VASN: variants seen among roughly 807,000 people sequenced by gnomAD.
The protein encoded by VASN is vasorin.
Under a neutral mutation model 4.8 loss-of-function variants are expected in VASN, and 5 were observed. The ratio of observed to expected loss-of-function variants is 1.03; its 90% CI spans 0.54 to 2.17. VASN has a LOEUF of 2.17. Ranked by LOEUF, VASN falls within the 30% of genes most tolerant of loss-of-function variation. The probability of loss-of-function intolerance (pLI) is 0.01; values close to 1 mark genes in which losing one functional copy is unlikely to be tolerated. For synonymous variants in VASN, 499 were observed against 460.8 expected, an observed-to-expected ratio of 1.08 and a Z score of -1.06; for missense variants, 927 against 948.8, an observed-to-expected ratio of 0.98 and a Z score of 0.30.
rs760157209 is a variant in VASN at position 4,381,238 on chromosome 16, C to T, written c.361C>T (p.Arg121Cys). 2.2e-5 allele frequency: 36 copies of T among 1,611,778 alleles called. No individual in the cohort carries two copies. Among genetic ancestry groups the T allele is most frequent in the African/African-American group, 8.0e-5 (6 of 74,912 alleles). ...RLHEITNETF[R>C]GLRRLERLYL... is the part of the protein sequence containing the mutation. ...GCATGAAATCACCAATGAGACCTTC[C>T]GTGGCCTGCGGCGCCTCGAGCGCCT... Residue 121 changes from arginine (R) to cysteine (C), a missense_variant, in exon 2 of 2, where the codon CGT becomes TGT. Transcript: ENST00000304735.
At chr16:4,377,469 A>G (rs2054781964) in intron 1 of VASN, among the ~76,000 whole-genome samples, 1 of 152,198 alleles carries the variant, frequency 6.6e-6, no homozygotes, top group Non-Finnish European at 1.5e-5. Context: ...AGAACTTGTT[A>G]AAAGAACTTC....
At position 4,382,399 on chromosome 16, in the gene VASN, C is replaced by T. The variant is rs750273688; in HGVS notation, c.1522C>T (p.Leu508=). 2 of 1,611,998 alleles carry T rather than the reference C, an allele frequency of 1.2e-6. No homozygotes were observed. Among genetic ancestry groups the T allele is most frequent in the Non-Finnish European group, 1.7e-6 (2 of 1,179,712 alleles). The change falls in exon 2 of 2, where the codon CTG becomes TTG. Residue 508 remains leucine (L), a synonymous_variant. Transcript: ENST00000304735. ...CAACCTATCGGGCCCTGATAAGCGGCTGGTGACGCTGCGACTGCCTGCCTC... is the reference window on the plus strand; with the variant it reads ...CAACCTATCGGGCCCTGATAAGCGGTTGGTGACGCTGCGACTGCCTGCCTC... ...YRNLSGPDKR[L]VTLRLPASLA...
At position 4,382,537 on chromosome 16, in the gene VASN, C is replaced by T. The variant is rs1192467299; in HGVS notation, c.1660C>T (p.His554Tyr). ...GGGCGAGGAGGCCTGCGGGGAGGCCCATACACCCCCAGCCGTCCACTCCAA... is the reference window on the plus strand; with the variant it reads ...GGGCGAGGAGGCCTGCGGGGAGGCCTATACACCCCCAGCCGTCCACTCCAA... ...PEGEEACGEA[H>Y]TPPAVHSNHA... The change falls in exon 2 of 2, where the codon CAT becomes TAT. Residue 554 changes from histidine to tyrosine, a missense_variant. Physicochemically the swap from His to Tyr is moderately conservative, Grantham distance 83 (BLOSUM62 2). Coordinates refer to ENST00000304735, the MANE Select transcript of VASN (RefSeq NM_138440.3). 2.5e-6 allele frequency: 4 copies of T among 1,592,818 alleles called. No individual in the cohort carries two copies. The highest frequency in any genetic ancestry group is 3.4e-6 in the Non-Finnish European group (4 of 1,170,704).
In VASN at chr16:4,382,176, C is replaced by A; in HGVS notation, c.1299C>A (p.Pro433=). Residue 433 remains proline (P), a synonymous_variant, in exon 2 of 2, where the codon CCC becomes CCA. Transcript: ENST00000304735. ...GGCACCACCTGGCGTGCTTGTGCCC[C>A]GAAGGCTTCACGGGCCTGTACTGTG... is the stretch of plus-strand genomic sequence containing the variant. The part of the protein sequence containing the change: ...GTRHHLACLC[P]EGFTGLYCES... The A allele has an allele frequency of 6.3e-7, 1 of 1,596,248 alleles. No homozygotes were observed. The highest frequency in any genetic ancestry group is 2.3e-5 in the East Asian group (1 of 44,030).
rs111548603 is a variant in VASN, at chr16:4,382,341, C to T, written c.1464C>T (p.Ser488=). 1,063 of 1,611,338 alleles carry T rather than the reference C, an allele frequency of 6.6e-4. 12 individuals are homozygous for T. The African/African-American group carries it at 0.011, about 17-fold the overall frequency. ...VGLQRYLQGS[S]VQLRSLRLTY... is the part of the protein sequence containing the mutation. ...TGCAGCGCTACCTCCAGGGGAGCTC[C>T]GTGCAGCTCAGGAGCCTCCGTCTCA... The change falls in exon 2 of 2, where the codon TCC becomes TCT. Residue 488 remains serine, a synonymous_variant. Transcript: ENST00000304735.
chr16:4,383,025 A>C lies in VASN; in HGVS notation c.*126A>C. 1 of 1,071,064 alleles carries C rather than the reference A, an allele frequency of 9.3e-7. No homozygotes were observed. Among genetic ancestry groups the C allele is most frequent in the Non-Finnish European group, 1.3e-6 (1 of 765,782 alleles). 66.3% of individuals were successfully genotyped at this position (1,071,064 alleles called of 1,614,324 possible). A position where few individuals can be genotyped will look rare whatever the true frequency, so the allele number is the denominator to read the frequency against. On this transcript the variant is annotated 3_prime_UTR_variant, in exon 2 of 2. Transcript: ENST00000304735. The stretch of plus-strand genomic sequence containing the variant: ...GGATGTGTGCAGACAGGGCTGTGTG[A>C]CCACAGCTGGGCCCTGTTCCCTCTG...
intron 1 of VASN, among the ~76,000 whole-genome samples, chr16:4,378,529 C>T (rs1483821964): frequency 6.6e-6 from 1 of 152,142 alleles, no homozygotes; most frequent in Non-Finnish European, 1.5e-5. Context: ...CCGCACCCGC[C>T]GTCCTCTGAG....
Position 4,381,857 on chromosome 16 carries a change from G to A in VASN, c.980G>A (p.Arg327His), listed in dbSNP as rs372154052. 1.2e-6 allele frequency: 2 copies of A among 1,602,568 alleles called. No homozygotes were observed. The highest frequency in any genetic ancestry group is 1.1e-5 in the South Asian group (1 of 91,020). Residue 327 changes from arginine (R) to histidine (H), a missense_variant, in exon 2 of 2, where the codon CGC becomes CAC. Arg to His is a conservative substitution (Grantham distance 29). Transcript: ENST00000304735. ...ACACTGGCCAGCCCTGAGGAGACGC[G>A]CTGCCACTTCCCGCCCAAGAACGCT... is the stretch of plus-strand genomic sequence containing the variant. ...HVTLASPEET[R>H]CHFPPKNAGR...
intron 1 of VASN, among the ~76,000 whole-genome samples, chr16:4,379,670 G>A (rs542767789): frequency 2.8e-4 from 42 of 152,170 alleles, no homozygotes; most frequent in South Asian, 1.9e-3. Context: ...TGGCACATGG[G>A]AAGGACTTGC....
chr16:4,382,485 GC>G lies in VASN; in HGVS notation c.1610del (p.Pro537LeufsTer91), dbSNP rs773947313. 1 of 1,601,442 alleles carries G rather than the reference GC, an allele frequency of 6.2e-7. No individual in the cohort carries two copies. On this transcript the variant is annotated frameshift_variant, in exon 2 of 2. Transcript: ENST00000304735. LOFTEE classifies it high-confidence loss of function. ...PNATYSVCVM[P>X]LGPGRVPEGE... Reference sequence around the variant, plus strand: ...ACGCCACTTACTCCGTCTGTGTCATGCCTTTGGGGCCCGGGCGGGTGCCGGA... The same window carrying G: ...ACGCCACTTACTCCGTCTGTGTCATGCTTTGGGGCCCGGGCGGGTGCCGGA...
At chr16:4,378,318 AG>A (rs2054824049) in intron 1 of VASN, among the ~76,000 whole-genome samples, 1 of 151,792 alleles carries the variant, frequency 6.6e-6, no homozygotes, top group African/African-American at 2.4e-5. Flanking sequence ...ACGAGGCCCA[AG>A]GGGAGCTGCG....
In VASN at chr16:4,382,824, T is replaced by G; in HGVS notation, c.1947T>G (p.Ser649=). ...EGGGEALPSG[S]ECEVPLMGFP... Reference sequence around the variant, plus strand: ...GTGGAGAGGCCCTGCCCAGCGGGTCTGAGTGTGAGGTGCCACTCATGGGCT... The same window carrying G: ...GTGGAGAGGCCCTGCCCAGCGGGTCGGAGTGTGAGGTGCCACTCATGGGCT... The change falls in exon 2 of 2, where the codon TCT becomes TCG. Residue 649 remains serine, a synonymous_variant. Transcript: ENST00000304735. 6.3e-7 allele frequency: 1 copy of G among 1,598,836 alleles called. No homozygotes were observed. Among genetic ancestry groups the G allele is most frequent in the South Asian group, 1.1e-5 (1 of 88,578 alleles).
Position 4,382,663 on chromosome 16 carries a change from G to A in VASN, c.1786G>A (p.Ala596Thr). The change falls in exon 2 of 2, where the codon GCC becomes ACC. Residue 596 changes from alanine to threonine, a missense_variant. Coordinates refer to ENST00000304735, the MANE Select transcript of VASN (RefSeq NM_138440.3). ...LLAALAAVGA[A>T]YCVRRGRAMA... Reference sequence around the variant, plus strand: ...GGCCGCGCTGGCTGCGGTGGGGGCAGCCTACTGTGTGCGGCGGGGGCGGGC... The same window carrying A: ...GGCCGCGCTGGCTGCGGTGGGGGCAACCTACTGTGTGCGGCGGGGGCGGGC... The A allele has an allele frequency of 6.4e-7, 1 of 1,552,364 alleles. No homozygotes were observed. Among genetic ancestry groups the A allele is most frequent in the South Asian group, 1.2e-5 (1 of 84,870 alleles).
rs868070989 is a variant in VASN, at chr16:4,382,914, G to A, written c.*15G>A. The A allele has an allele frequency of 2.3e-5, 34 of 1,482,238 alleles. 1 individual carries two copies. In the Middle Eastern group the frequency reaches 5.4e-3, roughly 237 times the overall value. 91.8% of individuals were successfully genotyped at this position (1,482,238 alleles called of 1,614,324 possible). ...CCTACATCTAAGCCAGAGAGAGACAGGGCAGCTGGGGCCGGGCTCTCAGCC... is the reference window on the plus strand; with the variant it reads ...CCTACATCTAAGCCAGAGAGAGACAAGGCAGCTGGGGCCGGGCTCTCAGCC... On this transcript the variant is annotated 3_prime_UTR_variant, in exon 2 of 2. Coordinates refer to ENST00000304735, the MANE Select transcript of VASN (RefSeq NM_138440.3).
intron 1 of VASN, among the ~76,000 whole-genome samples, chr16:4,378,667 G>A (rs1479044015): frequency 6.6e-6 from 1 of 152,062 alleles, no homozygotes; most frequent in Non-Finnish European, 1.5e-5. Flanking sequence ...CCTGGGGTTT[G>A]GGGTGCTAAC....
Position 4,381,215 on chromosome 16 carries a change from A to T in VASN, c.338A>T (p.His113Leu). Reference sequence around the variant, plus strand: ...CTGGACCTGACAGCCAACAGGCTGCATGAAATCACCAATGAGACCTTCCGT... The same window carrying T: ...CTGGACCTGACAGCCAACAGGCTGCTTGAAATCACCAATGAGACCTTCCGT... ...SNLDLTANRL[H>L]EITNETFRGL... Residue 113 changes from histidine (H) to leucine (L), a missense_variant, in exon 2 of 2, where the codon CAT becomes CTT. Coordinates refer to ENST00000304735, the MANE Select transcript of VASN (RefSeq NM_138440.3). 2 of 1,612,278 alleles carry T rather than the reference A, an allele frequency of 1.2e-6. No homozygotes were observed. Among genetic ancestry groups the T allele is most frequent in the South Asian group, 2.2e-5 (2 of 90,934 alleles).
rs1177532076 is a variant in VASN at position 4,381,739 on chromosome 16, C to T, written c.862C>T (p.Pro288Ser). The T allele has an allele frequency of 1.2e-6, 2 of 1,605,144 alleles. No individual in the cohort carries two copies. Among genetic ancestry groups the T allele is most frequent in the South Asian group, 2.2e-5 (2 of 90,980 alleles). ...ALPGDLSGLF[P>S]RLRLLAAARN... ...GCCTGGCGACCTCTCGGGCCTCTTC[C>T]CCCGCCTGCGGCTGCTGGCAGCTGC... Residue 288 changes from proline to serine, a missense_variant, in exon 2 of 2, where the codon CCC becomes TCC. By Grantham distance (74) the Pro-to-Ser change is moderately conservative. Coordinates refer to ENST00000304735, the MANE Select transcript of VASN (RefSeq NM_138440.3).
chr16:4,380,980 A>C lies in VASN; in HGVS notation c.103A>C (p.Thr35Pro). Residue 35 changes from threonine to proline, a missense_variant, in exon 2 of 2, where the codon ACA becomes CCA. By Grantham distance (38) the Thr-to-Pro change is conservative (BLOSUM62 -1). Coordinates refer to ENST00000304735, the MANE Select transcript of VASN (RefSeq NM_138440.3). ...PSGCQCSQPQTVFCTARQGTT... is the reference protein window; with the variant it reads ...PSGCQCSQPQPVFCTARQGTT... ...CGGCTGCCAGTGCAGCCAGCCACAG[A>C]CAGTCTTCTGCACTGCCCGCCAGGG... The C allele has an allele frequency of 6.2e-7, 1 of 1,608,002 alleles. No individual in the cohort carries two copies. The highest frequency in any genetic ancestry group is 8.5e-7 in the Non-Finnish European group (1 of 1,178,990).
At chr16:4,378,229 T>C (rs2054820500) in intron 1 of VASN, among the ~76,000 whole-genome samples, 1 of 152,166 alleles carries the variant, frequency 6.6e-6, no homozygotes, top group Admixed American at 6.5e-5. Context: ...GCAAAGTCAC[T>C]GTCTGCGGCC....
Sources: allele counts gnomAD v4.1 joint callset (sites outside exome capture counted in the v4.1 genomes callset), GRCh38; gene constraint gnomAD v4.1.1; transcripts MANE v1.5; gene names NCBI Gene and HGNC (gene_info 2026-07-23, HGNC 2026-07-21).